The following COL4A5 variants were observed in gnomAD, a reference collection of about 807,000 sequenced individuals.
COL4A5 encodes the protein collagen type IV alpha 5 chain.
COL4A5 carries 26 observed loss-of-function variants against 130.2 expected under a neutral mutation model. The observed-to-expected ratio is 0.20, with a 90% CI of 0.15 to 0.28. The LOEUF is 0.28. Ranked by LOEUF, COL4A5 falls within the 10% of genes least tolerant of loss-of-function variation. The pLI is 1.00. For synonymous variants in COL4A5, 496 were observed against 439.6 expected, an observed-to-expected ratio of 1.13 and a Z score of -1.60; for missense variants, 1,131 against 1,344.3, an observed-to-expected ratio of 0.84 and a Z score of 2.48.
Position 108,692,854 on chromosome X carries a change from C to T in COL4A5, c.4635C>T (p.Leu1545=). The change falls in exon 50 of 53, where the codon CTC becomes CTT. Residue 1545 remains leucine, a synonymous_variant. Transcript: ENST00000328300. ...CAAGAAATGACTATTCTTACTGGCT[C>T]TCTACCCCAGAGCCCATGCCAATGA... is the stretch of plus-strand genomic sequence containing the variant. ...FASRNDYSYW[L]STPEPMPMSM... is the part of the protein sequence containing the mutation. 1 of 1,211,480 alleles carries T rather than the reference C, an allele frequency of 8.3e-7. No individual in the cohort carries two copies. Among genetic ancestry groups the T allele is most frequent in the Non-Finnish European group, 1.1e-6 (1 of 895,249 alleles).
Position 108,622,693 on chromosome X carries a change from G to A in COL4A5, c.2785G>A (p.Gly929Ser), listed in dbSNP as rs2067079746. ...PGLKGDDGLQ[G>S]QPGLPGPTGE... Reference sequence around the variant, plus strand: ...GATTTTAGGTGATGATGGCTTGCAGGGTCAGCCAGGACTTCCTGGCCCTAC... The same window carrying A: ...GATTTTAGGTGATGATGGCTTGCAGAGTCAGCCAGGACTTCCTGGCCCTAC... The change falls in exon 33 of 53, where the codon GGT becomes AGT. Residue 929 changes from glycine to serine, a missense_variant. Coordinates refer to ENST00000328300, the MANE Select transcript of COL4A5 (RefSeq NM_033380.3). The A allele has an allele frequency of 8.3e-7, 1 of 1,211,205 alleles. No individual in the cohort carries two copies. Among genetic ancestry groups the A allele is most frequent in the Non-Finnish European group, 1.1e-6 (1 of 895,162 alleles).
At chrX:108,510,657 A>G (rs2065172026) in intron 1 of COL4A5, among the ~76,000 whole-genome samples, 1 of 111,542 alleles carries the variant, frequency 9.0e-6, no homozygotes, top group South Asian at 3.7e-4. Flanking sequence ...AAGGGGAGGA[A>G]GGAATAATAG....
intron 7 of COL4A5, 147 bp downstream of exon 7, chrX:108,571,613 G>T: frequency 1.6e-6 from 1 of 621,782 alleles, no homozygotes; most frequent in Non-Finnish European, 2.7e-6. Context: ...AAAGAAGTTG[G>T]TAATATAGCT....
intron 22 of COL4A5, among the ~76,000 whole-genome samples, chrX:108,596,143 A>G (rs994587852): frequency 8.9e-6 from 1 of 112,108 alleles, no homozygotes; most frequent in Non-Finnish European, 1.9e-5. Context: ...TAGGTATCCC[A>G]GTATTCTCTT....
chrX:108,535,170 C>T (rs1294734238), intron 1 of COL4A5, among the ~76,000 whole-genome samples: 9 of 110,789 alleles, frequency 8.1e-5, no homozygotes, highest in Non-Finnish European at 1.7e-4. Flanking sequence ...TATTTTATTT[C>T]GATTGAGCTA....
intron 1 of COL4A5, among the ~76,000 whole-genome samples, chrX:108,501,254 C>T (rs1005983562): frequency 1.8e-5 from 2 of 111,211 alleles, no homozygotes; most frequent in Non-Finnish European, 3.8e-5. Flanking sequence ...TGACTTGTTC[C>T]CATTATTTCC....
intron 28 of COL4A5, among the ~76,000 whole-genome samples, chrX:108,605,772 G>A (rs2066718833): frequency 8.9e-6 from 1 of 112,023 alleles, no homozygotes; most frequent in Admixed American, 9.4e-5. Flanking sequence ...CTCTGTTCAT[G>A]CCTGTGTGAT....
At chrX:108,680,790 A>G in intron 45 of COL4A5, 39 bp downstream of exon 45, 2 of 1,186,850 alleles carry the variant, frequency 1.7e-6, no homozygotes, top group African/African-American at 3.5e-5. Flanking sequence ...TTTATATTAA[A>G]CTCCTCTGGG....
chrX:108,464,018 G>A (rs928594046), intron 1 of COL4A5, among the ~76,000 whole-genome samples: 2 of 111,755 alleles, frequency 1.8e-5, no homozygotes, highest in Non-Finnish European at 3.8e-5. Context: ...TGTCAGACTC[G>A]ACTTGTATCG....
chrX:108,600,786 A>C (rs191071353), intron 25 of COL4A5, among the ~76,000 whole-genome samples: 4 of 111,390 alleles, frequency 3.6e-5, no homozygotes, highest in African/African-American at 1.3e-4. Flanking sequence ...TAGGGAAGCC[A>C]GTAGCTTGGC....
In COL4A5 at chrX:108,649,925, C is replaced by T. The variant is rs1041376705; in HGVS notation, c.3247-5406C>T. Among the ~76,000 whole-genome samples the T allele has an allele frequency of 5.4e-5, 6 of 111,228 alleles. No homozygotes were observed. The South Asian group carries it at 1.1e-3, about 21-fold the overall frequency. On this transcript the variant is annotated intron_variant, in intron 36 of 52. Coordinates refer to ENST00000328300, the MANE Select transcript of COL4A5 (RefSeq NM_033380.3). ...AATAATTGGGACTTAATTAAACTAACGAGCTTTTGCACAGCAAAAGGAGCA... is the reference window on the plus strand; with the variant it reads ...AATAATTGGGACTTAATTAAACTAATGAGCTTTTGCACAGCAAAAGGAGCA...
intron 1 of COL4A5, among the ~76,000 whole-genome samples, chrX:108,494,871 A>G (rs956801605): frequency 9.0e-6 from 1 of 111,565 alleles, no homozygotes; most frequent in African/African-American, 3.3e-5. Context: ...TGATGCATTC[A>G]GGCTCTGGGT....
intron 39 of COL4A5, among the ~76,000 whole-genome samples, chrX:108,666,893 TA>T (rs1313358968): frequency 1.8e-5 from 2 of 112,458 alleles, no homozygotes; most frequent in African/African-American, 6.5e-5. Context: ...ATTTCATTTA[TA>T]TTTTTTTCTT....
chrX:108,616,573 ACTC>A (rs1342784981), intron 30 of COL4A5, among the ~76,000 whole-genome samples: 1 of 110,454 alleles, frequency 9.1e-6, no homozygotes, highest in Non-Finnish European at 1.9e-5. Flanking sequence ...TGAACTTATC[ACTC>A]CTATGGTGTT....
intron 2 of COL4A5, among the ~76,000 whole-genome samples, chrX:108,547,533 C>T (rs1452400450): frequency 8.9e-6 from 1 of 111,929 alleles, no homozygotes; most frequent in African/African-American, 3.3e-5. Flanking sequence ...GGGGTTGCGT[C>T]CCAGTTAGGC....
At position 108,677,439 on chromosome X, in the gene COL4A5, T is replaced by C. The variant is rs1603313833; in HGVS notation, c.3809-61T>C. ...GAAGATGACTGATATTTTAAAAGCCTGACTTTTATGCTACTCTTAACACTA... is the reference window on the plus strand; with the variant it reads ...GAAGATGACTGATATTTTAAAAGCCCGACTTTTATGCTACTCTTAACACTA... On this transcript the variant is annotated intron_variant, in intron 43 of 52. Coordinates refer to ENST00000328300, the MANE Select transcript of COL4A5 (RefSeq NM_033380.3). The C allele has an allele frequency of 2.6e-5, 29 of 1,113,356 alleles. No individual in the cohort carries two copies. The South Asian group carries it at 5.2e-4, about 20-fold the overall frequency. 91.8% of individuals were successfully genotyped at this position (1,113,356 alleles called of 1,213,427 possible). A position where few individuals can be genotyped will look rare whatever the true frequency, so the allele number is the denominator to read the frequency against.
chrX:108,501,105 G>T (rs2223632), intron 1 of COL4A5, among the ~76,000 whole-genome samples: 11,563 of 110,810 alleles, frequency 0.1, 1,297 homozygotes, highest in African/African-American at 0.34. Flanking sequence ...ATTCTGTGAG[G>T]GATTAAATGA....
chrX:108,452,982 T>G (rs983656557), intron 1 of COL4A5, among the ~76,000 whole-genome samples: 4 of 110,758 alleles, frequency 3.6e-5, no homozygotes, highest in Non-Finnish European at 7.6e-5. Flanking sequence ...TAGCTCTTAT[T>G]ATTTTGAGAT....
chrX:108,532,932 G>A (rs757904892), intron 1 of COL4A5, among the ~76,000 whole-genome samples: 4 of 111,925 alleles, frequency 3.6e-5, no homozygotes, highest in Non-Finnish European at 7.5e-5. Flanking sequence ...TGGATCAGAA[G>A]AATTAATATT....
Sources: allele counts gnomAD v4.1 joint callset (sites outside exome capture counted in the v4.1 genomes callset), GRCh38; gene constraint gnomAD v4.1.1; transcripts MANE v1.5; gene names NCBI Gene and HGNC (gene_info 2026-07-23, HGNC 2026-07-21).